Variants in OSBP2 observed in about 807,000 individuals in gnomAD.
OSBP2 encodes oxysterol-binding protein 2.
A neutral mutation model predicts 96.0 loss-of-function variants in OSBP2; 66 were observed. The observed-to-expected ratio is 0.69, with a 90% CI of 0.56 to 0.84. The LOEUF is 0.84. OSBP2 is among the 40% of genes least tolerant of loss of function. OSBP2 has a pLI of 0.00. For synonymous variants in OSBP2, 525 were observed against 520.9 expected, an observed-to-expected ratio of 1.01 and a Z score of -0.11; for missense variants, 1,038 against 1,222.7, an observed-to-expected ratio of 0.85 and a Z score of 2.25.
intron 1 of OSBP2, among the ~76,000 whole-genome samples, chr22:30,730,319 GA>G (rs1178770416): frequency 6.6e-6 from 1 of 152,264 alleles, no homozygotes; most frequent in East Asian, 1.9e-4. Context: ...CATACATGCA[GA>G]AAAACTGGTC....
intron 12 of OSBP2, among the ~76,000 whole-genome samples, chr22:30,897,850 T>C (rs1290032239): frequency 2.0e-5 from 3 of 151,188 alleles, no homozygotes; most frequent in South Asian, 4.2e-4. Flanking sequence ...CTTGGGAGGC[T>C]GAGGTAAGAG....
At chr22:30,694,177 G>A (rs114356320), upstream of OSBP2, 2 of 1,550,156 alleles carry the variant, frequency 1.3e-6, no homozygotes, top group Admixed American at 3.9e-5. Flanking sequence ...AAAACGCTTG[G>A]TTTACAAAAA....
rs374682705 is a variant in OSBP2 at position 30,902,533 on chromosome 22, G to A, written c.2376-3304G>A. On this transcript the variant is annotated intron_variant, in intron 12 of 13. Coordinates refer to ENST00000332585, the MANE Select transcript of OSBP2 (RefSeq NM_030758.4). Reference sequence around the variant, plus strand: ...TTCAGGGATGACTTCTTAGGAGGCAGGGGAGGTAGTCACCCAGGTGACTGG... The same window carrying A: ...TTCAGGGATGACTTCTTAGGAGGCAAGGGAGGTAGTCACCCAGGTGACTGG... The A allele has an allele frequency of 4.7e-5, 66 of 1,396,168 alleles. No individual in the cohort carries two copies. In the East Asian group the frequency reaches 1.5e-3, roughly 31 times the overall value. 86.5% of individuals were successfully genotyped at this position (1,396,168 alleles called of 1,614,324 possible).
intron 1 of OSBP2, 25 bp downstream of exon 1, chr22:30,695,578 T>A (rs1468677818): frequency 1.3e-6 from 2 of 1,586,796 alleles, no homozygotes; most frequent in African/African-American, 1.3e-5. Context: ...GGGTGGGACA[T>A]GGGGGTTGGA....
intron 12 of OSBP2, among the ~76,000 whole-genome samples, chr22:30,896,613 T>G (rs2040073530): frequency 6.7e-6 from 1 of 149,750 alleles, no homozygotes; most frequent in Non-Finnish European, 1.5e-5. Context: ...TAGATGAAGC[T>G]CACCAGTTAA....
At chr22:30,755,516 GTTGT>G (rs1223704728) in intron 2 of OSBP2, among the ~76,000 whole-genome samples, 2 of 152,176 alleles carry the variant, frequency 1.3e-5, no homozygotes, top group East Asian at 3.9e-4. Flanking sequence ...CGTGTGATTG[GTTGT>G]TTAAGCAGCT....
intron 2 of OSBP2, among the ~76,000 whole-genome samples, chr22:30,751,828 T>C (rs1041442429): frequency 6.6e-6 from 1 of 152,216 alleles, no homozygotes; most frequent in African/African-American, 2.4e-5. Flanking sequence ...AAACAACTTA[T>C]GTCCAACAAC....
intron 2 of OSBP2, among the ~76,000 whole-genome samples, chr22:30,834,501 A>G (rs1042558953): frequency 1.3e-5 from 2 of 152,202 alleles, no homozygotes; most frequent in Admixed American, 6.5e-5. Context: ...GCTCTAACAC[A>G]TGCTACTTTC....
intron 2 of OSBP2, among the ~76,000 whole-genome samples, chr22:30,836,261 G>T (rs1015535165): frequency 6.6e-6 from 1 of 152,088 alleles, no homozygotes; most frequent in African/African-American, 2.4e-5. Flanking sequence ...CCCCCTGCTC[G>T]CTTATCAGGG....
At chr22:30,757,512 G>A (rs1212984622) in intron 2 of OSBP2, among the ~76,000 whole-genome samples, 1 of 151,920 alleles carries the variant, frequency 6.6e-6, no homozygotes, top group Non-Finnish European at 1.5e-5. Flanking sequence ...CCGCCTCCCG[G>A]GTTCAAGTGA....
intron 2 of OSBP2, among the ~76,000 whole-genome samples, chr22:30,759,080 C>T (rs1421326879): frequency 6.6e-6 from 1 of 152,174 alleles, no homozygotes; most frequent in African/African-American, 2.4e-5. Flanking sequence ...CTGCAAAGGG[C>T]CGGGCGCAGT....
intron 1 of OSBP2, among the ~76,000 whole-genome samples, chr22:30,722,507 A>C (rs1016720993): frequency 1.3e-5 from 2 of 152,152 alleles, no homozygotes; most frequent in African/African-American, 4.8e-5. Context: ...TAAAAATTTA[A>C]CAATAATTAC....
At position 30,890,307 on chromosome 22, in the gene OSBP2, A is replaced by T. The variant is rs1436792268; in HGVS notation, c.1624-421A>T. Among the ~76,000 whole-genome samples, 1 of 151,366 alleles carries T rather than the reference A, an allele frequency of 6.6e-6. No individual in the cohort carries two copies. The highest frequency in any genetic ancestry group is 1.5e-5 in the Non-Finnish European group (1 of 67,842). On this transcript the variant is annotated intron_variant, in intron 7 of 13. Transcript: ENST00000332585. This position sits in a 1 kb window ranked among gnomAD's most constrained non-coding sequence, Gnocchi z 4.4. ...GAGATAGGGGCCTTGGGCCTAACCC[A>T]TCCTGTGCCGGGCCCCATCACAGCT...
intron 2 of OSBP2, among the ~76,000 whole-genome samples, chr22:30,744,107 C>A (rs567550996): frequency 6.6e-6 from 1 of 152,144 alleles, no homozygotes; most frequent in Non-Finnish European, 1.5e-5. Flanking sequence ...GAAGGAAAAG[C>A]CTTCAGACGG....
chr22:30,796,694 CAG>C (rs1491236726), intron 2 of OSBP2, among the ~76,000 whole-genome samples: 7 of 151,914 alleles, frequency 4.6e-5, no homozygotes, highest in Admixed American at 1.3e-4. Context: ...TTAGTAGAGA[CAG>C]GGGGGTTCAC....
At chr22:30,772,092 C>T (rs1335879283) in intron 2 of OSBP2, among the ~76,000 whole-genome samples, 3 of 152,224 alleles carry the variant, frequency 2.0e-5, no homozygotes, top group Admixed American at 6.5e-5. Flanking sequence ...AGACAAGCCC[C>T]TGCGGCAGGC....
At chr22:30,774,004 G>C (rs914692486) in intron 2 of OSBP2, among the ~76,000 whole-genome samples, 5 of 152,288 alleles carry the variant, frequency 3.3e-5, no homozygotes, top group African/African-American at 1.2e-4. Flanking sequence ...ACAGGTGTCT[G>C]AGTTTGTACC....
At chr22:30,759,209 G>A (rs1233929295) in intron 2 of OSBP2, among the ~76,000 whole-genome samples, 4 of 152,108 alleles carry the variant, frequency 2.6e-5, no homozygotes, top group African/African-American at 7.2e-5. Context: ...TTAGCCAGGC[G>A]TGGTGGTGCA....
intron 2 of OSBP2, among the ~76,000 whole-genome samples, chr22:30,775,118 C>T (rs143710581): frequency 1.5e-3 from 226 of 152,170 alleles, no homozygotes; most frequent in African/African-American, 5.2e-3. Flanking sequence ...CAGTGTTGCG[C>T]GGCCATCACC....
Sources: allele counts gnomAD v4.1 joint callset (sites outside exome capture counted in the v4.1 genomes callset), GRCh38; gene constraint gnomAD v4.1.1; non-coding constraint Gnocchi (gnomAD v3.1); transcripts MANE v1.5; gene names NCBI Gene and HGNC (gene_info 2026-07-23, HGNC 2026-07-21).